The following KIF26B variants were observed in gnomAD, a reference collection of about 807,000 sequenced individuals.
KIF26B encodes the protein kinesin-like protein KIF26B.
Under a neutral mutation model 151.2 loss-of-function variants are expected in KIF26B, and 63 were observed. That is an observed-to-expected ratio of 0.42 (90% confidence interval 0.34 to 0.51). The LOEUF is 0.51. Among genes scored for constraint, KIF26B ranks in the 20% least tolerant of loss-of-function variants. The probability of loss-of-function intolerance (pLI) is 0.07; values close to 1 mark genes in which losing one functional copy is unlikely to be tolerated. For missense variants in KIF26B, 2,813 were observed against 2,913.6 expected, an observed-to-expected ratio of 0.97 and a Z score of 0.79; for synonymous variants, 1,357 against 1,262.1, an observed-to-expected ratio of 1.08 and a Z score of -1.59.
chr1:245,583,072 G>C (rs1378598268), intron 5 of KIF26B, among the ~76,000 whole-genome samples: 1 of 152,070 alleles, frequency 6.6e-6, no homozygotes, highest in Non-Finnish European at 1.5e-5. Flanking sequence ...TTTAGAGTCT[G>C]GGCAGATTGC....
intron 2 of KIF26B, among the ~76,000 whole-genome samples, chr1:245,280,662 G>T: frequency 8.8e-6 from 1 of 114,072 alleles, no homozygotes; most frequent in Non-Finnish European, 1.7e-5. Flanking sequence ...GTGCAGGTTA[G>T]TTACATATGT....
Position 245,239,653 on chromosome 1 carries a change from G to A in KIF26B, c.465+82970G>A, listed in dbSNP as rs537488856. Among the ~76,000 whole-genome samples the A allele has an allele frequency of 3.3e-5, 5 of 152,094 alleles. No individual in the cohort carries two copies. The highest frequency in any genetic ancestry group is 2.1e-4 in the South Asian group (1 of 4,824). ...ATAGTAGCTGGGATTACAGGTGCCC[G>A]CCACCACGCCTGGCTAATTTTTTGT... is the stretch of plus-strand genomic sequence containing the variant. On this transcript the variant is annotated intron_variant, in intron 2 of 14. Coordinates refer to ENST00000407071, the MANE Select transcript of KIF26B (RefSeq NM_018012.4). This position sits in a 1 kb window ranked among gnomAD's most constrained non-coding sequence, Gnocchi z 4.3.
chr1:245,450,669 G>A (rs1322048356), intron 4 of KIF26B, among the ~76,000 whole-genome samples: 1 of 152,166 alleles, frequency 6.6e-6, no homozygotes, highest in Non-Finnish European at 1.5e-5. Flanking sequence ...CTTGGGTTAG[G>A]CGTATTCTGT....
At chr1:245,198,886 G>C (rs192644261) in intron 2 of KIF26B, among the ~76,000 whole-genome samples, 2 of 147,772 alleles carry the variant, frequency 1.4e-5, no homozygotes, top group Non-Finnish European at 3.0e-5. Flanking sequence ...AATGTAGACC[G>C]GGGGGTCAGG....
At chr1:245,366,251 T>G (rs1672946497) in intron 2 of KIF26B, among the ~76,000 whole-genome samples, 1 of 152,060 alleles carries the variant, frequency 6.6e-6, no homozygotes, top group Non-Finnish European at 1.5e-5. Flanking sequence ...AGAATGTTCT[T>G]GCCAGGCATG....
chr1:245,426,391 G>A (rs1397915075), intron 4 of KIF26B, among the ~76,000 whole-genome samples: 2 of 152,132 alleles, frequency 1.3e-5, no homozygotes, highest in Non-Finnish European at 2.9e-5. Context: ...CCTGTTGTCT[G>A]CTTTCTCTTC....
At position 245,228,287 on chromosome 1, in the gene KIF26B, A is replaced by C. The variant is rs573617510; in HGVS notation, c.465+71604A>C. Among the ~76,000 whole-genome samples, 143 of 152,276 alleles carry C rather than the reference A, an allele frequency of 9.4e-4. 1 individual carries two copies. The highest frequency in any genetic ancestry group is 3.3e-3 in the African/African-American group (138 of 41,562). ...ACCACCTTTGTATCTAGATGTTTGC[A>C]TGCAAGGGGCATCTCCAGGTATCTT... On this transcript the variant is annotated intron_variant, in intron 2 of 14. Coordinates refer to ENST00000407071, the MANE Select transcript of KIF26B (RefSeq NM_018012.4).
chr1:245,403,008 G>A (rs942879022), intron 3 of KIF26B, among the ~76,000 whole-genome samples: 4 of 152,140 alleles, frequency 2.6e-5, no homozygotes, highest in African/African-American at 9.7e-5. Flanking sequence ...TCACTCTGTT[G>A]CCCATGCTGG....
intron 2 of KIF26B, among the ~76,000 whole-genome samples, chr1:245,162,708 C>T (rs1051036082): frequency 3.9e-5 from 6 of 152,142 alleles, no homozygotes; most frequent in Non-Finnish European, 7.4e-5. Context: ...TGCAAAAGGA[C>T]TGGGGATACA....
At position 245,375,110 on chromosome 1, in the gene KIF26B, G is replaced by A. The variant is rs1017621905; in HGVS notation, c.999+7743G>A. Among the ~76,000 whole-genome samples the A allele has an allele frequency of 7.2e-5, 11 of 152,038 alleles. No homozygotes were observed. The highest frequency in any genetic ancestry group is 5.8e-4 in the East Asian group (3 of 5,188). The stretch of plus-strand genomic sequence containing the variant: ...TAATTTTATTATTATTTTTTGAGAC[G>A]GCGTCTCACTCTGCCACCCAGGCTG... On this transcript the variant is annotated intron_variant, in intron 3 of 14. Transcript: ENST00000407071. The surrounding 1 kb of genome is among the most constrained non-coding windows in gnomAD (Gnocchi z 4.2).
intron 3 of KIF26B, among the ~76,000 whole-genome samples, chr1:245,374,477 G>A (rs923356393): frequency 3.3e-5 from 5 of 152,174 alleles, no homozygotes; most frequent in South Asian, 2.1e-4. Flanking sequence ...CAGCAGGTCA[G>A]GAGTATAGGA....
chr1:245,606,399 C>T lies in KIF26B; in HGVS notation c.1558-1252C>T, dbSNP rs765154505. Among the ~76,000 whole-genome samples, 7 of 151,558 alleles carry T rather than the reference C, an allele frequency of 4.6e-5. No individual in the cohort carries two copies. The highest frequency in any genetic ancestry group is 9.6e-5 in the African/African-American group (4 of 41,460). On this transcript the variant is annotated intron_variant, in intron 6 of 14. Coordinates refer to ENST00000407071, the MANE Select transcript of KIF26B (RefSeq NM_018012.4). This position sits in a 1 kb window ranked among gnomAD's most constrained non-coding sequence, Gnocchi z 4.6. The stretch of plus-strand genomic sequence containing the variant: ...AAAGCCCCATGTTAGCACTGCCTCC[C>T]GGAGCTCCCACGAGCCCTGACTCCG...
intron 2 of KIF26B, among the ~76,000 whole-genome samples, chr1:245,282,092 A>G (rs1671066735): frequency 2.0e-5 from 3 of 152,134 alleles, no homozygotes. Flanking sequence ...ATGAAATAAA[A>G]GAGGATACAA....
Position 245,156,390 on chromosome 1 carries a change from G to T in KIF26B, c.172G>T (p.Gly58Cys). The T allele has an allele frequency of 6.5e-7, 1 of 1,541,458 alleles. No individual in the cohort carries two copies. The highest frequency in any genetic ancestry group is 8.7e-7 in the Non-Finnish European group (1 of 1,144,066). ...SRAGSRPTPEGAGSALGSSGT... is the reference protein window; with the variant it reads ...SRAGSRPTPECAGSALGSSGT... ...CGCCGGCAGCCGGCCCACTCCTGAGGGCGCGGGCTCAGCGCTCGGCTCCTC... is the reference window on the plus strand; with the variant it reads ...CGCCGGCAGCCGGCCCACTCCTGAGTGCGCGGGCTCAGCGCTCGGCTCCTC... Residue 58 changes from glycine (G) to cysteine (C), a missense_variant, in exon 2 of 15, where the codon GGC becomes TGC. Gly to Cys is a radical substitution (Grantham distance 159). Transcript: ENST00000407071.
At chr1:245,635,027 T>C (rs758859347) in intron 9 of KIF26B, among the ~76,000 whole-genome samples, 13 of 151,820 alleles carry the variant, frequency 8.6e-5, no homozygotes, top group Non-Finnish European at 1.6e-4. Flanking sequence ...TTTTCTAATA[T>C]GGCTCTTTAA....
chr1:245,633,036 A>G (rs2043798107), intron 9 of KIF26B, among the ~76,000 whole-genome samples: 1 of 152,182 alleles, frequency 6.6e-6, no homozygotes, highest in Non-Finnish European at 1.5e-5. Flanking sequence ...GACTGCATAT[A>G]TATTTACAAT....
intron 9 of KIF26B, among the ~76,000 whole-genome samples, chr1:245,612,835 T>C (rs2043543888): frequency 6.6e-6 from 1 of 152,046 alleles, no homozygotes; most frequent in Non-Finnish European, 1.5e-5. Context: ...GCTCTTCGAG[T>C]GAGCTGCCCT....
Position 245,277,596 on chromosome 1 carries a change from G to T in KIF26B, c.466-89238G>T, listed in dbSNP as rs370656491. Among the ~76,000 whole-genome samples, 8 of 152,056 alleles carry T rather than the reference G, an allele frequency of 5.3e-5. No homozygotes were observed. The East Asian group carries it at 1.2e-3, about 22-fold the overall frequency. ...AGTTTTAGATAAGTTATTTTTAGGG[G>T]GATTAATATAGGATTTTGTTTGAAA... On this transcript the variant is annotated intron_variant, in intron 2 of 14. Coordinates refer to ENST00000407071, the MANE Select transcript of KIF26B (RefSeq NM_018012.4).
At chr1:245,294,341 A>G (rs1469498318) in intron 2 of KIF26B, among the ~76,000 whole-genome samples, 3 of 152,142 alleles carry the variant, frequency 2.0e-5, no homozygotes, top group Non-Finnish European at 4.4e-5. Flanking sequence ...GGGTCTAACT[A>G]TACAGGACAA....
Sources: gnomAD v4.1 joint callset for allele counts (sites outside exome capture counted in the v4.1 genomes callset) on GRCh38, gnomAD v4.1.1 for gene constraint, Gnocchi (gnomAD v3.1) non-coding constraint, MANE v1.5 for transcripts, NCBI Gene and HGNC (gene_info 2026-07-23, HGNC 2026-07-21) for gene names.